Variants in RNF216 observed in about 807,000 individuals in gnomAD.
The protein encoded by RNF216 is ring finger protein 216.
In RNF216, 72 loss-of-function variants were observed where a neutral mutation model predicts 110.8. The observed-to-expected ratio is 0.65, with a 90% CI of 0.54 to 0.79. RNF216 has a LOEUF of 0.79. Among genes scored for constraint, RNF216 ranks in the 30% least tolerant of loss-of-function variants. The probability of loss-of-function intolerance (pLI) is 0.00; values close to 1 mark genes in which losing one functional copy is unlikely to be tolerated. For synonymous variants in RNF216, 495 were observed against 407.5 expected (o/e 1.21, Z -2.59); for missense variants, 1,342 against 1,141.2 (o/e 1.18, Z -2.54).
Position 5,741,187 on chromosome 7 carries a change from G to A in RNF216, c.830C>T (p.Pro277Leu), listed in dbSNP as rs140264038. The A allele has an allele frequency of 1.8e-4, 285 of 1,614,124 alleles. 3 individuals are homozygous for A. In the East Asian group the frequency reaches 5.7e-3, roughly 33 times the overall value. Reference protein sequence around the residue: ...HEFPGPAFPRPEPQQGGISGP... With the variant: ...HEFPGPAFPRLEPQQGGISGP... ...TGAAATCCCACCTTGCTGGGGTTCCGGCCTTGGAAAAGCGGGCCCTGGGAA... is the reference window on the plus strand; with the variant it reads ...TGAAATCCCACCTTGCTGGGGTTCCAGCCTTGGAAAAGCGGGCCCTGGGAA... The change falls in exon 4 of 17, where the codon CCG becomes CTG. Residue 277 changes from proline to leucine, a missense_variant. Pro to Leu is a moderately conservative substitution (Grantham distance 98). Coordinates refer to ENST00000389902, the MANE Select transcript of RNF216 (RefSeq NM_207111.4).
Position 5,632,901 on chromosome 7 carries a change from C to A in RNF216, c.2382+8253G>T, listed in dbSNP as rs146989574. On this transcript the variant is annotated intron_variant, in intron 15 of 16. Transcript: ENST00000389902. Reference sequence around the variant, plus strand: ...GAATGGCACCACAGTGGGCAGTGCACCCCAAATGCAGTGTCAAGGACAAAG... The same window carrying A: ...GAATGGCACCACAGTGGGCAGTGCAACCCAAATGCAGTGTCAAGGACAAAG... Among the ~76,000 whole-genome samples the A allele has an allele frequency of 1.1e-4, 17 of 152,280 alleles. No homozygotes were observed. In the East Asian group the frequency reaches 3.1e-3, roughly 28 times the overall value.
At chr7:5,690,840 C>G (rs1005499319) in intron 13 of RNF216, among the ~76,000 whole-genome samples, 1 of 152,030 alleles carries the variant, frequency 6.6e-6, no homozygotes, top group African/African-American at 2.4e-5. Flanking sequence ...CTCTGCCACA[C>G]CAGCCTGACA....
intron 3 of RNF216, among the ~76,000 whole-genome samples, chr7:5,750,887 CCTA>C (rs1408343410): frequency 1.3e-5 from 2 of 152,036 alleles, no homozygotes; most frequent in African/African-American, 4.8e-5. Flanking sequence ...TGCGAGATTA[CCTA>C]CTAACTCAAC....
intron 1 of RNF216, among the ~76,000 whole-genome samples, chr7:5,768,989 C>G (rs539821997): frequency 6.6e-6 from 1 of 151,544 alleles, no homozygotes; most frequent in Non-Finnish European, 1.5e-5. Flanking sequence ...CACACATTAA[C>G]GAAGAAATTA....
chr7:5,650,982 A>G (rs955130968), intron 14 of RNF216, among the ~76,000 whole-genome samples: 1 of 152,144 alleles, frequency 6.6e-6, no homozygotes, highest in Non-Finnish European at 1.5e-5. Context: ...AAGTCACCCA[A>G]CTACAGGCTA....
At chr7:5,751,520 A>C (rs1046650481) in intron 3 of RNF216, among the ~76,000 whole-genome samples, 4 of 152,168 alleles carry the variant, frequency 2.6e-5, no homozygotes, top group African/African-American at 9.7e-5. Context: ...CCAGTTTCTT[A>C]AACAGGGCAG....
rs377009286 is a variant in RNF216 at position 5,710,384 on chromosome 7, C to A, written c.2061+1377G>T. ...CAAAACTTAAAAACAAAAACAAAAA[C>A]AAAAAACGTCCTCAGAGAATAATGG... On this transcript the variant is annotated intron_variant, in intron 13 of 16. Coordinates refer to ENST00000389902, the MANE Select transcript of RNF216 (RefSeq NM_207111.4). Among the ~76,000 whole-genome samples the A allele has an allele frequency of 6.6e-3, 971 of 146,036 alleles. 3 individuals carry two copies. Among genetic ancestry groups the A allele is most frequent in the African/African-American group, 0.019 (737 of 39,478 alleles).
chr7:5,727,133 T>C (rs1207558822), intron 7 of RNF216, among the ~76,000 whole-genome samples: 2 of 152,174 alleles, frequency 1.3e-5, no homozygotes, highest in Admixed American at 6.5e-5. Context: ...GGGGTGGCTA[T>C]GATGCAGTGT....
intron 12 of RNF216, 79 bp from the exon 13 acceptor site, chr7:5,711,918 A>G (rs1792723693): frequency 7.8e-7 from 1 of 1,278,846 alleles, no homozygotes; most frequent in Admixed American, 2.0e-5. Flanking sequence ...GGCTGTTCAT[A>G]TGAAGATGGA....
chr7:5,738,241 A>G (rs377241912), intron 5 of RNF216, among the ~76,000 whole-genome samples: 1 of 152,112 alleles, frequency 6.6e-6, no homozygotes, highest in East Asian at 1.9e-4. Context: ...TTTTTTTAAA[A>G]TAAGAGACAA....
rs112919935 is a variant in RNF216, at chr7:5,763,688, A to G, written c.-69-2550T>C. Among the ~76,000 whole-genome samples, 854 of 152,200 alleles carry G rather than the reference A, an allele frequency of 5.6e-3. 8 individuals carry two copies. Among genetic ancestry groups the G allele is most frequent in the African/African-American group, 0.019 (808 of 41,532 alleles). ...TGGGCTCAAGCAATCCTCCTGCCTC[A>G]GCCTCAGAGTAGCTGGGACCACAGG... On this transcript the variant is annotated intron_variant, in intron 1 of 16. Transcript: ENST00000389902.
intron 14 of RNF216, among the ~76,000 whole-genome samples, chr7:5,642,998 T>C (rs1224530148): frequency 2.0e-5 from 3 of 152,038 alleles, no homozygotes; most frequent in Non-Finnish European, 4.4e-5. Context: ...AGTCTTTTCA[T>C]GAAGGCTTGG....
intron 13 of RNF216, among the ~76,000 whole-genome samples, chr7:5,652,818 G>A (rs1385962697): frequency 1.3e-5 from 2 of 152,116 alleles, no homozygotes; most frequent in African/African-American, 2.4e-5. Context: ...GTTGGGGGAG[G>A]AGAGGGGAGT....
intron 1 of RNF216, among the ~76,000 whole-genome samples, chr7:5,768,346 T>TACATACACACAC (rs71547789): frequency 1.4e-5 from 1 of 71,886 alleles, no homozygotes; most frequent in Non-Finnish European, 2.7e-5. Flanking sequence ...GGCAGGCAAA[T>TACATACACACAC]ACACACACAC....
chr7:5,687,394 CAAAA>C (rs372177142), intron 13 of RNF216, among the ~76,000 whole-genome samples: 83 of 49,908 alleles, frequency 1.7e-3, no homozygotes, highest in African/African-American at 5.0e-3. Flanking sequence ...AACTCCACCT[CAAAA>C]AAAAAAAAAA....
rs189426091 is a variant in RNF216 at position 5,758,116 on chromosome 7, T to C, written c.67+2887A>G. ...CAAAATATATCTCCAAAGTCAGTAA[T>C]TTTCCAAAATGAATTAGTTGTTCTT... On this transcript the variant is annotated intron_variant, in intron 2 of 16. Coordinates refer to ENST00000389902, the MANE Select transcript of RNF216 (RefSeq NM_207111.4). 7.0e-4 allele frequency among the ~76,000 whole-genome samples: 107 copies of C among 152,348 alleles called. No homozygotes were observed. The South Asian group carries it at 0.016, about 23-fold the overall frequency.
chr7:5,664,186 T>C (rs1266446479), intron 13 of RNF216, among the ~76,000 whole-genome samples: 1 of 152,210 alleles, frequency 6.6e-6, no homozygotes, highest in Non-Finnish European at 1.5e-5. Flanking sequence ...AAAAAAAGCG[T>C]ATCTATCTCC....
intron 3 of RNF216, among the ~76,000 whole-genome samples, chr7:5,746,196 TCTTTGAC>T (rs1440636145): frequency 1.3e-5 from 2 of 152,190 alleles, no homozygotes; most frequent in Non-Finnish European, 2.9e-5. Flanking sequence ...GCACCTGGTC[TCTTTGAC>T]TTTGAGGGTA....
chr7:5,629,587 G>A (rs1786930803), intron 15 of RNF216, among the ~76,000 whole-genome samples: 1 of 152,220 alleles, frequency 6.6e-6, no homozygotes, highest in African/African-American at 2.4e-5. Flanking sequence ...CCAGCACTTT[G>A]GGAGGCCGAG....
Sources: allele counts gnomAD v4.1 joint callset (sites outside exome capture counted in the v4.1 genomes callset), GRCh38; gene constraint gnomAD v4.1.1; transcripts MANE v1.5; gene names NCBI Gene and HGNC (gene_info 2026-07-23, HGNC 2026-07-21).